Variants in CTNNA2 observed in about 807,000 individuals in gnomAD.
CTNNA2 encodes the protein catenin alpha 2.
In CTNNA2, 42 loss-of-function variants were observed where a neutral mutation model predicts 101.0. The ratio of observed to expected loss-of-function variants is 0.42; its 90% CI spans 0.32 to 0.54. CTNNA2 has a LOEUF of 0.54. Ranked by LOEUF, CTNNA2 falls within the 20% of genes least tolerant of loss-of-function variation. CTNNA2 has a pLI of 0.14. For synonymous variants in CTNNA2, 450 were observed against 456.4 expected (o/e 0.99, Z 0.18); for missense variants, 871 against 1,223.1 (o/e 0.71, Z 4.29).
intron 7 of CTNNA2, among the ~76,000 whole-genome samples, chr2:80,020,558 C>A (rs1026165448): frequency 6.6e-6 from 1 of 152,106 alleles, no homozygotes; most frequent in Non-Finnish European, 1.5e-5. Flanking sequence ...TTTTAAGTGA[C>A]TGACAATATA....
chr2:80,348,553 G>A (rs933856300), intron 7 of CTNNA2, among the ~76,000 whole-genome samples: 1 of 152,054 alleles, frequency 6.6e-6, no homozygotes, highest in Admixed American at 6.6e-5. Flanking sequence ...CCTAAAGCCC[G>A]TACTTTTCTG....
chr2:79,539,741 C>T (rs2103981669), intron 1 of CTNNA2, among the ~76,000 whole-genome samples: 1 of 152,208 alleles, frequency 6.6e-6, no homozygotes, highest in African/African-American at 2.4e-5. Context: ...CTCTTGTGGA[C>T]CAGAACTATC....
At chr2:79,738,268 T>G (rs2104956759) in intron 2 of CTNNA2, among the ~76,000 whole-genome samples, 1 of 152,308 alleles carries the variant, frequency 6.6e-6, no homozygotes, top group East Asian at 1.9e-4. Flanking sequence ...CCTAGAACAC[T>G]TACACTCTTA....
rs966425857 is a variant in CTNNA2, at chr2:80,450,358, A to G, written c.1290+30757A>G. ...ATTTATTACATCTTGAACAACTAGT[A>G]TGGTTGTTCAGCCAGTTTAGAACAT... On this transcript the variant is annotated intron_variant, in intron 9 of 18. Transcript: ENST00000402739. Among the ~76,000 whole-genome samples the G allele has an allele frequency of 3.3e-5, 5 of 151,608 alleles. No individual in the cohort carries two copies. In the South Asian group the frequency reaches 8.3e-4, roughly 25 times the overall value.
chr2:80,624,306 A>G (rs1324531886), intron 18 of CTNNA2, among the ~76,000 whole-genome samples: 1 of 152,036 alleles, frequency 6.6e-6, no homozygotes, highest in East Asian at 1.9e-4. Flanking sequence ...ATGCCCATGC[A>G]GTATATGACC....
chr2:79,549,810 C>T lies in CTNNA2; in HGVS notation c.-6+36603C>T, dbSNP rs144364079. On this transcript the variant is annotated intron_variant, in intron 1 of 18. Coordinates refer to ENST00000402739, the MANE Select transcript of CTNNA2 (RefSeq NM_001282597.3). ...CCACTACCCCTGGTTTCTTTATCTG[C>T]TATTTCCCCTGTTATATGATACTGT... Among the ~76,000 whole-genome samples, 545 of 152,282 alleles carry T rather than the reference C, an allele frequency of 3.6e-3. 2 individuals are homozygous for T. Among genetic ancestry groups the T allele is most frequent in the Admixed American group, 6.2e-3 (94 of 15,284 alleles).
intron 3 of CTNNA2, chr2:79,319,913 T>C (rs1334556729): frequency 6.6e-6 from 1 of 152,120 alleles, no homozygotes; most frequent in African/African-American, 2.4e-5. Context: ...CAGGTATTGG[T>C]TGGGGAATTT....
At chr2:80,540,296 G>T (rs563600429) in intron 9 of CTNNA2, among the ~76,000 whole-genome samples, 1 of 152,148 alleles carries the variant, frequency 6.6e-6, no homozygotes, top group East Asian at 1.9e-4. Flanking sequence ...ACAGGTTGTT[G>T]AAATCAATTA....
intron 7 of CTNNA2, among the ~76,000 whole-genome samples, chr2:80,025,539 G>T (rs13402286): frequency 2.0e-5 from 3 of 152,272 alleles, no homozygotes; most frequent in Non-Finnish European, 2.9e-5. Flanking sequence ...GGAAAACAAG[G>T]TGTATTTAGG....
chr2:79,343,454 A>G (rs1677184200), intron 3 of CTNNA2, among the ~76,000 whole-genome samples: 2 of 152,204 alleles, frequency 1.3e-5, no homozygotes, highest in African/African-American at 4.8e-5. Context: ...ACAACAGTGT[A>G]TGATCTGAGA....
rs116411331 is a variant in CTNNA2, at chr2:80,184,924, A to G, written c.1057-208287A>G. On this transcript the variant is annotated intron_variant, in intron 7 of 18. Transcript: ENST00000402739. ...CTATGCTTAAACATCCTATCAGCAC[A>G]TCCTAAAGTCAGTTTCCCATAGCAT... is the stretch of plus-strand genomic sequence containing the variant. Among the ~76,000 whole-genome samples the G allele has an allele frequency of 3.7e-3, 571 of 152,320 alleles. 4 individuals carry two copies. Among genetic ancestry groups the G allele is most frequent in the African/African-American group, 0.013 (537 of 41,548 alleles).
At chr2:80,406,376 C>T (rs953533137) in intron 8 of CTNNA2, among the ~76,000 whole-genome samples, 1 of 150,996 alleles carries the variant, frequency 6.6e-6, no homozygotes, top group Admixed American at 6.6e-5. Flanking sequence ...GGCTGGGAAA[C>T]CAGAAAAATG....
intron 2 of CTNNA2, among the ~76,000 whole-genome samples, chr2:79,262,532 A>C (rs78764104): frequency 6.6e-6 from 1 of 152,142 alleles, no homozygotes; most frequent in African/African-American, 2.4e-5. Flanking sequence ...GAAAAAAAAA[A>C]CTAGGCTTGA....
Position 80,647,757 on chromosome 2 carries a change from T to C in CTNNA2, c.2747T>C (p.Leu916Pro). The part of the protein sequence containing the change: ...WKMKAPEKKP[L>P]VKREKPEEFQ... ...ATGAAGGCTCCAGAGAAGAAGCCCC[T>C]TGTGAAGAGAGAAAAGCCTGAAGAA... Residue 916 changes from leucine to proline, a missense_variant, in exon 19 of 19, where the codon CTT (leucine) becomes CCT (proline). Physicochemically the swap from Leu to Pro is moderately conservative, Grantham distance 98 (BLOSUM62 -3). Coordinates refer to ENST00000402739, the MANE Select transcript of CTNNA2 (RefSeq NM_001282597.3). 1 of 1,613,556 alleles carries C rather than the reference T, an allele frequency of 6.2e-7. No homozygotes were observed. Among genetic ancestry groups the C allele is most frequent in the Non-Finnish European group, 8.5e-7 (1 of 1,179,610 alleles).
chr2:79,343,202 G>C (rs1677178253), intron 3 of CTNNA2, among the ~76,000 whole-genome samples: 1 of 151,554 alleles, frequency 6.6e-6, no homozygotes. Context: ...TAATATATTT[G>C]GATAAATTTA....
chr2:79,363,417 C>T (rs772548455), intron 3 of CTNNA2, among the ~76,000 whole-genome samples: 5 of 152,196 alleles, frequency 3.3e-5, no homozygotes, highest in Non-Finnish European at 7.3e-5. Context: ...AGGACACATA[C>T]ACTCAGTCCA....
chr2:80,578,718 G>A (rs75485836), intron 13 of CTNNA2, among the ~76,000 whole-genome samples: 4,467 of 152,126 alleles, frequency 0.029, 101 homozygotes, highest in South Asian at 0.11. Flanking sequence ...CTTGTTGCCC[G>A]CCTCCATCAC....
upstream of CTNNA2, among the ~76,000 whole-genome samples, chr2:79,512,188 C>T (rs1573208157): frequency 6.6e-6 from 1 of 152,102 alleles, no homozygotes; most frequent in Non-Finnish European, 1.5e-5. Flanking sequence ...ATGTAAGTTC[C>T]CCAACTACAG....
chr2:79,473,593 G>T (rs1487482761), intron 4 of CTNNA2, among the ~76,000 whole-genome samples: 1 of 152,130 alleles, frequency 6.6e-6, no homozygotes, highest in African/African-American at 2.4e-5. Context: ...AGAAAATAAT[G>T]AAGTGACATT....
Sources: gnomAD v4.1 joint callset for allele counts (sites outside exome capture counted in the v4.1 genomes callset) on GRCh38, gnomAD v4.1.1 for gene constraint, MANE v1.5 for transcripts, NCBI Gene and HGNC (gene_info 2026-07-23, HGNC 2026-07-21) for gene names.